Variants in LTBP1 observed in about 807,000 individuals in gnomAD.
LTBP1 encodes the protein latent-transforming growth factor beta-binding protein 1.
A neutral mutation model predicts 207.6 loss-of-function variants in LTBP1; 129 were observed. The ratio of observed to expected loss-of-function variants is 0.62; its 90% CI spans 0.54 to 0.72. The LOEUF is 0.72. Among genes scored for constraint, LTBP1 ranks in the 30% least tolerant of loss-of-function variants. The pLI, the probability that LTBP1 is intolerant of heterozygous loss-of-function variation, is 0.00. For missense variants in LTBP1, 2,281 were observed against 2,217.2 expected (o/e 1.03, Z -0.58); for synonymous variants, 963 against 833.7 (o/e 1.16, Z -2.67).
chr2:33,057,872 C>G (rs563438361), intron 3 of LTBP1, among the ~76,000 whole-genome samples: 1 of 152,358 alleles, frequency 6.6e-6, no homozygotes, highest in East Asian at 1.9e-4. Context: ...GAGAATGGCT[C>G]CCATGGTGCA....
At chr2:33,125,851 C>G (rs1030730857) in intron 4 of LTBP1, among the ~76,000 whole-genome samples, 10 of 151,868 alleles carry the variant, frequency 6.6e-5, no homozygotes. Flanking sequence ...AAAAATTACT[C>G]CAAACTGTAG....
intron 2 of LTBP1, among the ~76,000 whole-genome samples, chr2:32,953,453 C>T (rs1044885422): frequency 1.3e-5 from 2 of 152,210 alleles, no homozygotes; most frequent in Non-Finnish European, 2.9e-5. Flanking sequence ...ACCCCGGCCC[C>T]CATGTGGGAG....
chr2:33,326,534 G>C (rs1278677513), intron 24 of LTBP1, among the ~76,000 whole-genome samples: 1 of 151,768 alleles, frequency 6.6e-6, no homozygotes, highest in Non-Finnish European at 1.5e-5. Flanking sequence ...TCAGTCATGA[G>C]GATATTCATT....
intron 7 of LTBP1, among the ~76,000 whole-genome samples, chr2:33,208,889 A>T (rs1178288308): frequency 2.4e-4 from 21 of 88,858 alleles, no homozygotes; most frequent in African/African-American, 8.4e-4. Flanking sequence ...TTTTTTTGAG[A>T]TGGAGTCTCG....
At chr2:33,222,391 A>G (rs1277330190) in intron 9 of LTBP1, among the ~76,000 whole-genome samples, 1 of 152,220 alleles carries the variant, frequency 6.6e-6, no homozygotes, top group Non-Finnish European at 1.5e-5. Context: ...TAGAATTTAA[A>G]AGAGTTTGGA....
At position 33,379,372 on chromosome 2, in the gene LTBP1, G is replaced by T. The variant is rs201306335; in HGVS notation, c.4712-9812G>T. On this transcript the variant is annotated intron_variant, in intron 31 of 33. Transcript: ENST00000404816. ...CTACAGGTGCCTGCCACCATGCCCA[G>T]CTAATTTTTTGTATTTTTATTAGAG... Among the ~76,000 whole-genome samples the T allele has an allele frequency of 1.7e-4, 26 of 152,096 alleles. No individual in the cohort carries two copies. The East Asian group carries it at 4.6e-3, about 27-fold the overall frequency.
intron 28 of LTBP1, among the ~76,000 whole-genome samples, chr2:33,363,155 C>T (rs1159946745): frequency 6.6e-6 from 1 of 152,194 alleles, no homozygotes; most frequent in African/African-American, 2.4e-5. Context: ...ATACACTTCT[C>T]CTATAATGTT....
chr2:33,156,500 A>T (rs1011494125), intron 5 of LTBP1, among the ~76,000 whole-genome samples: 1 of 152,046 alleles, frequency 6.6e-6, no homozygotes, highest in African/African-American at 2.4e-5. Flanking sequence ...TTTCCTCCTC[A>T]CCTGTAGAAT....
chr2:33,074,009 T>C (rs1422919818), intron 3 of LTBP1, among the ~76,000 whole-genome samples: 1 of 152,204 alleles, frequency 6.6e-6, no homozygotes, highest in East Asian at 1.9e-4. Flanking sequence ...ATAAGTCATT[T>C]TGCCACTTTT....
rs1558769812 is a variant in LTBP1, at chr2:33,182,701, C to CATATATATATATATAT, written c.1202-4154_1202-4153insTATATATATATATATA. ...GAAAAGATGGTGATATATATATATA[C>CATATATATATATATAT]ACACACACACACACACACACACACA... On this transcript the variant is annotated intron_variant, in intron 5 of 33. Transcript: ENST00000404816. Among the ~76,000 whole-genome samples, 20 of 42,662 alleles carry CATATATATATATATAT rather than the reference C, an allele frequency of 4.7e-4. 1 individual carries two copies. Among genetic ancestry groups the CATATATATATATATAT allele is most frequent in the African/African-American group, 1.9e-3 (20 of 10,712 alleles). The allele number at this position is 42,662 out of a possible 152,430, so 28.0% of individuals were successfully genotyped here.
intron 24 of LTBP1, among the ~76,000 whole-genome samples, chr2:33,323,984 C>T (rs1302858584): frequency 6.6e-6 from 1 of 152,048 alleles, no homozygotes; most frequent in Non-Finnish European, 1.5e-5. Flanking sequence ...GCTTCAGTTC[C>T]CTCTCTGTAT....
intron 32 of LTBP1, among the ~76,000 whole-genome samples, chr2:33,392,973 G>A (rs561738695): frequency 3.2e-4 from 49 of 151,792 alleles, no homozygotes; most frequent in Middle Eastern, 3.2e-3. Context: ...CTCCTGAGTA[G>A]CTGGGACTCT....
At chr2:33,137,896 T>A (rs1450356503) in intron 5 of LTBP1, among the ~76,000 whole-genome samples, 1 of 152,162 alleles carries the variant, frequency 6.6e-6, no homozygotes, top group African/African-American at 2.4e-5. Context: ...CTGCCCATGA[T>A]GTATAAGAGG....
At chr2:32,970,919 C>CA (rs970598477) in intron 2 of LTBP1, among the ~76,000 whole-genome samples, 1 of 150,664 alleles carries the variant, frequency 6.6e-6, no homozygotes, top group African/African-American at 2.4e-5. Flanking sequence ...TTGTTTGTGT[C>CA]AATTGTTATT....
At position 33,285,403 on chromosome 2, in the gene LTBP1, T is replaced by A. The variant is rs1416180702; in HGVS notation, c.3112+5245T>A. Among the ~76,000 whole-genome samples the A allele has an allele frequency of 3.3e-5, 5 of 151,928 alleles. No individual in the cohort carries two copies. The East Asian group carries it at 9.7e-4, about 29-fold the overall frequency. On this transcript the variant is annotated intron_variant, in intron 19 of 33. Transcript: ENST00000404816. ...TTGAAGCTCATGTCATATAGTTTTT[T>A]AATTCTTCTTATGTCATTGGAGCAT...
intron 9 of LTBP1, among the ~76,000 whole-genome samples, chr2:33,228,490 G>A (rs755220423): frequency 9.9e-5 from 15 of 151,932 alleles, no homozygotes; most frequent in African/African-American, 1.5e-4. Context: ...GCTATCAACC[G>A]TCTTGTTCTG....
At chr2:33,313,971 A>C (rs2094224783) in intron 23 of LTBP1, among the ~76,000 whole-genome samples, 1 of 152,140 alleles carries the variant, frequency 6.6e-6, no homozygotes, top group Non-Finnish European at 1.5e-5. Flanking sequence ...CTGTTAGCCA[A>C]TATAATTAGA....
rs560327110 is a variant in LTBP1 at position 33,398,312 on chromosome 2, C to A, written c.4985-52C>A. ...TCAGGTAAGCCTCAGGTTATGTGTC[C>A]TCACAGAATAATATCCAAGATTGTT... is the stretch of plus-strand genomic sequence containing the variant. On this transcript the variant is annotated intron_variant, in intron 33 of 33. Coordinates refer to ENST00000404816, the MANE Select transcript of LTBP1 (RefSeq NM_206943.4). 86 of 1,554,478 alleles carry A rather than the reference C, an allele frequency of 5.5e-5. No homozygotes were observed. The East Asian group carries it at 1.1e-3, about 20-fold the overall frequency.
At chr2:32,990,805 T>C (rs1328796693) in intron 2 of LTBP1, among the ~76,000 whole-genome samples, 1 of 152,212 alleles carries the variant, frequency 6.6e-6, no homozygotes, top group Non-Finnish European at 1.5e-5. Flanking sequence ...CATTTTCATC[T>C]TGGTGGGAGA....
Sources: allele counts gnomAD v4.1 joint callset (sites outside exome capture counted in the v4.1 genomes callset), GRCh38; gene constraint gnomAD v4.1.1; transcripts MANE v1.5; gene names NCBI Gene and HGNC (gene_info 2026-07-23, HGNC 2026-07-21).